The following ARHGAP15 variants were observed in gnomAD, a reference collection of about 807,000 sequenced individuals.
The protein encoded by ARHGAP15 is Rho GTPase activating protein 15, also known as rho GTPase-activating protein 15.
A neutral mutation model predicts 63.7 loss-of-function variants in ARHGAP15; 51 were observed. The observed-to-expected ratio is 0.80, with a 90% CI of 0.64 to 1.01. ARHGAP15 has a LOEUF of 1.01. Ranked by LOEUF, ARHGAP15 falls within the 50% of genes least tolerant of loss-of-function variation. The probability of loss-of-function intolerance (pLI) is 0.00; values close to 1 mark genes in which losing one functional copy is unlikely to be tolerated. For missense variants in ARHGAP15, 560 were observed against 564.6 expected, an observed-to-expected ratio of 0.99 and a Z score of 0.08; for synonymous variants, 191 against 193.8, an observed-to-expected ratio of 0.99 and a Z score of 0.12.
At chr2:143,228,503 A>G (rs1693307746) in intron 4 of ARHGAP15, 78 bp from the exon 5 acceptor site, 3 of 909,776 alleles carry the variant, frequency 3.3e-6, no homozygotes, top group African/African-American at 3.4e-5. Flanking sequence ...ACTCATTCCA[A>G]ATGTTGCTCA....
At chr2:143,184,263 A>G (rs183637792) in intron 2 of ARHGAP15, among the ~76,000 whole-genome samples, 3 of 152,352 alleles carry the variant, frequency 2.0e-5, no homozygotes, top group East Asian at 3.9e-4. Flanking sequence ...TATGACCTCA[A>G]CAAAATTGGA....
chr2:143,438,999 A>C (rs1413475112), intron 8 of ARHGAP15, among the ~76,000 whole-genome samples: 1 of 152,210 alleles, frequency 6.6e-6, no homozygotes, highest in East Asian at 1.9e-4. Flanking sequence ...AGTAACAGTC[A>C]CTTTAAAAGT....
chr2:143,530,087 C>T (rs72990808), intron 10 of ARHGAP15, among the ~76,000 whole-genome samples: 42 of 152,234 alleles, frequency 2.8e-4, no homozygotes, highest in African/African-American at 9.6e-4. Flanking sequence ...ATGCCTCTAT[C>T]CTTAGAGAAA....
intron 6 of ARHGAP15, among the ~76,000 whole-genome samples, chr2:143,283,617 A>G (rs1210741078): frequency 1.3e-5 from 2 of 152,206 alleles, no homozygotes; most frequent in East Asian, 1.9e-4. Flanking sequence ...ATGCCAAGGC[A>G]CTAAGACATT....
At chr2:143,154,147 C>G (rs1245282218) in intron 1 of ARHGAP15, among the ~76,000 whole-genome samples, 1 of 151,636 alleles carries the variant, frequency 6.6e-6, no homozygotes, top group Admixed American at 6.6e-5. Context: ...CTCTCTGATC[C>G]TCATTTTTTT....
chr2:143,499,081 A>T (rs1172654927), intron 9 of ARHGAP15, among the ~76,000 whole-genome samples: 2 of 152,170 alleles, frequency 1.3e-5, no homozygotes, highest in African/African-American at 2.4e-5. Context: ...CAGCTTGAGA[A>T]CCACCCTATT....
At chr2:143,470,745 G>A (rs909203177) in intron 8 of ARHGAP15, among the ~76,000 whole-genome samples, 1 of 147,378 alleles carries the variant, frequency 6.8e-6, no homozygotes, top group African/African-American at 2.5e-5. Flanking sequence ...TGTAGATGGA[G>A]GTGATTGGTT....
At chr2:143,225,307 A>T (rs1693163600) in intron 4 of ARHGAP15, among the ~76,000 whole-genome samples, 2 of 151,436 alleles carry the variant, frequency 1.3e-5, no homozygotes, top group Non-Finnish European at 2.9e-5. Context: ...ATTTGGATTT[A>T]AAAAAAAACA....
intron 12 of ARHGAP15, chr2:143,641,000 C>A (rs1680572147): frequency 6.6e-6 from 1 of 152,110 alleles, no homozygotes; most frequent in Non-Finnish European, 1.5e-5. Context: ...AGTAGGTTGC[C>A]TTTCCAGGAC....
chr2:143,356,628 T>C (rs1039364640), intron 6 of ARHGAP15, among the ~76,000 whole-genome samples: 1 of 152,058 alleles, frequency 6.6e-6, no homozygotes, highest in Non-Finnish European at 1.5e-5. Context: ...TGGCCCCAAC[T>C]CCCTGAAGAA....
intron 6 of ARHGAP15, among the ~76,000 whole-genome samples, chr2:143,408,186 T>G (rs960810439): frequency 7.4e-5 from 11 of 149,530 alleles, no homozygotes; most frequent in Non-Finnish European, 1.3e-4. Context: ...AAGAAAGTTG[T>G]GAATTTTTCT....
chr2:143,379,487 A>ATATATATG (rs1202571594), intron 6 of ARHGAP15, among the ~76,000 whole-genome samples: 18 of 129,842 alleles, frequency 1.4e-4, no homozygotes, highest in African/African-American at 3.8e-4. Context: ...AGGCATATAT[A>ATATATATG]TGTGTGTGTG....
chr2:143,330,094 C>CAAAAAAAAAAAAAAA lies in ARHGAP15; in HGVS notation c.474+79517_474+79531dup. Among the ~76,000 whole-genome samples the CAAAAAAAAAAAAAAA allele has an allele frequency of 8.4e-3, 14 of 1,664 alleles. 1 individual carries two copies. The highest frequency in any genetic ancestry group is 0.013 in the Non-Finnish European group (9 of 716). 1.1% of individuals were successfully genotyped at this position (1,664 alleles called of 152,430 possible). ...TGGGTGACAGAGCAAGGCTCTGTCT[C>CAAAAAAAAAAAAAAA]AAAAAAAAAAAAAAAAAAAAAAAAA... On this transcript the variant is annotated intron_variant, in intron 6 of 13. Coordinates refer to ENST00000295095, the MANE Select transcript of ARHGAP15 (RefSeq NM_018460.4).
In ARHGAP15 at chr2:143,624,063, A is replaced by G. The variant is rs1298328268; in HGVS notation, c.1004-70A>G. On this transcript the variant is annotated intron_variant, in intron 11 of 13. Coordinates refer to ENST00000295095, the MANE Select transcript of ARHGAP15 (RefSeq NM_018460.4). Reference sequence around the variant, plus strand: ...TGCTGATGATAGTAGGCAAACATTAACATAATAATTAGTGTCTTGTAATTG... The same window carrying G: ...TGCTGATGATAGTAGGCAAACATTAGCATAATAATTAGTGTCTTGTAATTG... The G allele has an allele frequency of 8.3e-6, 13 of 1,564,934 alleles. No individual in the cohort carries two copies. The South Asian group carries it at 1.4e-4, about 17-fold the overall frequency.
intron 12 of ARHGAP15, among the ~76,000 whole-genome samples, chr2:143,653,751 TTGTATAGTC>T (rs1681291009): frequency 6.6e-6 from 1 of 152,186 alleles, no homozygotes; most frequent in Non-Finnish European, 1.5e-5. Flanking sequence ...TTAATTGTGT[TTGTATAGTC>T]TGGGATGACT....
chr2:143,418,790 G>A (rs1202205072), intron 6 of ARHGAP15, among the ~76,000 whole-genome samples: 1 of 152,114 alleles, frequency 6.6e-6, no homozygotes, highest in African/African-American at 2.4e-5. Flanking sequence ...ATAAATACAG[G>A]GGTCTCTCTG....
At chr2:143,371,621 T>G (rs1686558930) in intron 6 of ARHGAP15, among the ~76,000 whole-genome samples, 1 of 152,234 alleles carries the variant, frequency 6.6e-6, no homozygotes, top group Admixed American at 6.5e-5. Context: ...CTGAGCTAAG[T>G]GCTCCAATTT....
chr2:143,559,567 A>G (rs957295738), intron 11 of ARHGAP15, among the ~76,000 whole-genome samples: 2 of 152,234 alleles, frequency 1.3e-5, no homozygotes. Flanking sequence ...AGTGAAATGC[A>G]TATACCAACC....
At chr2:143,571,126 T>C (rs1696435844) in intron 11 of ARHGAP15, among the ~76,000 whole-genome samples, 1 of 152,222 alleles carries the variant, frequency 6.6e-6, no homozygotes, top group Non-Finnish European at 1.5e-5. Context: ...TAATGCCTAA[T>C]GATCTGTCAC....
Sources: allele counts gnomAD v4.1 joint callset (sites outside exome capture counted in the v4.1 genomes callset), GRCh38; gene constraint gnomAD v4.1.1; transcripts MANE v1.5; gene names NCBI Gene and HGNC (gene_info 2026-07-23, HGNC 2026-07-21).